AIG1: variants seen among roughly 807,000 people sequenced by gnomAD.
The protein encoded by AIG1 is androgen-induced gene 1 protein.
AIG1 carries 23 observed loss-of-function variants against 31.4 expected under a neutral mutation model. That is an observed-to-expected ratio of 0.73 (90% CI 0.53 to 1.04). The LOEUF (loss-of-function observed/expected upper bound fraction) is 1.04. AIG1 is among the 50% of genes least tolerant of loss of function. The pLI is 0.00. For synonymous variants in AIG1, 100 were observed against 110.5 expected (o/e 0.90, Z 0.60); for missense variants, 274 against 295.0 (o/e 0.93, Z 0.52).
At chr6:143,250,173 C>G (rs539718753) in intron 3 of AIG1, among the ~76,000 whole-genome samples, 19 of 152,338 alleles carry the variant, frequency 1.2e-4, no homozygotes, top group African/African-American at 4.6e-4. Context: ...CTCAGTCACT[C>G]TTCTCCATGA....
chr6:143,306,031 C>G (rs11155290), intron 4 of AIG1, among the ~76,000 whole-genome samples: 102,319 of 142,416 alleles, frequency 0.72, 38,519 homozygotes, highest in East Asian at 1. Flanking sequence ...TGTTTTATCA[C>G]AGACTAGGAT....
intron 3 of AIG1, chr6:143,187,727 A>C: frequency 6.5e-7 from 1 of 1,536,030 alleles, no homozygotes; most frequent in African/African-American, 1.4e-5. Context: ...AGCAATGACT[A>C]AAGGATTGAC....
At chr6:143,139,031 A>C (rs553695547) in intron 2 of AIG1, among the ~76,000 whole-genome samples, 135 of 152,246 alleles carry the variant, frequency 8.9e-4, no homozygotes, top group African/African-American at 3.2e-3. Flanking sequence ...TCTCCTCAAA[A>C]GCTCATGGCA....
At chr6:143,077,403 G>T (rs945650379) in intron 1 of AIG1, among the ~76,000 whole-genome samples, 3 of 152,102 alleles carry the variant, frequency 2.0e-5, no homozygotes, top group Non-Finnish European at 4.4e-5. Context: ...AAGTCTCTTG[G>T]TTTTTCTTCA....
chr6:143,194,094 T>C (rs1165145086), intron 3 of AIG1, among the ~76,000 whole-genome samples: 2 of 152,178 alleles, frequency 1.3e-5, no homozygotes, highest in East Asian at 3.8e-4. Flanking sequence ...TGTATATTAG[T>C]CCACTCTCAC....
intron 4 of AIG1, among the ~76,000 whole-genome samples, chr6:143,294,512 G>A (rs1475294537): frequency 1.3e-5 from 2 of 152,062 alleles, no homozygotes; most frequent in African/African-American, 4.8e-5. Flanking sequence ...TGTAGAATGG[G>A]ATAATAATAA....
chr6:143,117,773 G>T (rs935741913), intron 1 of AIG1, among the ~76,000 whole-genome samples: 1 of 152,158 alleles, frequency 6.6e-6, no homozygotes, highest in Non-Finnish European at 1.5e-5. Context: ...ACTGAGCATT[G>T]TGGTAAACTA....
At position 143,279,948 on chromosome 6, in the gene AIG1, C is replaced by G. The variant is rs1441276633; in HGVS notation, c.400-4162C>G. Among the ~76,000 whole-genome samples, 1 of 152,184 alleles carries G rather than the reference C, an allele frequency of 6.6e-6. No homozygotes were observed. The highest frequency in any genetic ancestry group is 2.4e-5 in the African/African-American group (1 of 41,452). ...ATTTTACTTAGCTCTTCAAACAAGT[C>G]AAGCCTTGTTTTTAGCTCAGCTCCT... On this transcript the variant is annotated intron_variant, in intron 3 of 5. Transcript: ENST00000357847. This position sits in a 1 kb window ranked among gnomAD's most constrained non-coding sequence, Gnocchi z 5.4.
At chr6:143,100,342 G>A (rs182442950) in intron 1 of AIG1, among the ~76,000 whole-genome samples, 119 of 152,218 alleles carry the variant, frequency 7.8e-4, no homozygotes, top group African/African-American at 2.8e-3. Context: ...GAGAGGTTTT[G>A]TTCTCATTAA....
At chr6:143,130,106 C>T (rs1247649999) in intron 1 of AIG1, among the ~76,000 whole-genome samples, 1 of 151,554 alleles carries the variant, frequency 6.6e-6, no homozygotes, top group Non-Finnish European at 1.5e-5. Flanking sequence ...AATTTTTGCA[C>T]TTTTAATAGA....
At chr6:143,163,161 C>T (rs984097291) in intron 2 of AIG1, among the ~76,000 whole-genome samples, 1 of 152,202 alleles carries the variant, frequency 6.6e-6, no homozygotes, top group African/African-American at 2.4e-5. Flanking sequence ...GGTAGTACTG[C>T]TGTGATGCCT....
chr6:143,184,073 A>T (rs1006946070), intron 3 of AIG1, among the ~76,000 whole-genome samples: 3 of 152,220 alleles, frequency 2.0e-5, no homozygotes, highest in Admixed American at 2.0e-4. Flanking sequence ...TAAACTTGTG[A>T]TTCTAAAGAT....
intron 3 of AIG1, among the ~76,000 whole-genome samples, chr6:143,171,428 T>C: frequency 9.6e-6 from 1 of 104,598 alleles, no homozygotes; most frequent in Non-Finnish European, 1.7e-5. Context: ...ATATAATATA[T>C]ATAATATATA....
intron 1 of AIG1, among the ~76,000 whole-genome samples, chr6:143,062,049 A>G (rs1200591283): frequency 6.6e-6 from 1 of 152,200 alleles, no homozygotes; most frequent in Non-Finnish European, 1.5e-5. Context: ...ATCCAAGACT[A>G]TACAGTTGGT....
At chr6:143,314,184 T>TAAAAAAAAAAAAAA (rs35691634) in intron 4 of AIG1, among the ~76,000 whole-genome samples, 1 of 90,614 alleles carries the variant, frequency 1.1e-5, no homozygotes. Context: ...ACCCATCTCT[T>TAAAAAAAAAAAAAA]AAAAAAAAAA....
intron 4 of AIG1, among the ~76,000 whole-genome samples, chr6:143,318,050 A>G (rs992964611): frequency 1.4e-4 from 21 of 152,180 alleles, no homozygotes; most frequent in Non-Finnish European, 2.2e-4. Context: ...TAGAATCAAT[A>G]TCGTGAAAAT....
intron 5 of AIG1, among the ~76,000 whole-genome samples, chr6:143,336,296 A>C (rs1435630187): frequency 6.6e-6 from 1 of 152,220 alleles, no homozygotes; most frequent in Non-Finnish European, 1.5e-5. Context: ...CAAGATAAAA[A>C]TCACATTATT....
At position 143,165,705 on chromosome 6, in the gene AIG1, G is replaced by A. The variant is rs192224447; in HGVS notation, c.399+522G>A. ...CTTTTGCAATGGAATTGTTTGCCTC[G>A]TAGGGTTCTTCCCAAGTTAGGGTGT... is the stretch of plus-strand genomic sequence containing the variant. On this transcript the variant is annotated intron_variant, in intron 3 of 5. Transcript: ENST00000357847. Among the ~76,000 whole-genome samples the A allele has an allele frequency of 1.6e-3, 243 of 152,308 alleles. 2 individuals carry two copies. The highest frequency in any genetic ancestry group is 5.6e-3 in the African/African-American group (233 of 41,564).
At position 143,325,738 on chromosome 6, in the gene AIG1, C is replaced by T. The variant is rs1164460138; in HGVS notation, c.516-7544C>T. Among the ~76,000 whole-genome samples the T allele has an allele frequency of 6.6e-6, 1 of 152,206 alleles. No homozygotes were observed. The highest frequency in any genetic ancestry group is 6.5e-5 in the Admixed American group (1 of 15,278). On this transcript the variant is annotated intron_variant, in intron 4 of 5. Coordinates refer to ENST00000357847, the MANE Select transcript of AIG1 (RefSeq NM_016108.4). This position sits in a 1 kb window ranked among gnomAD's most constrained non-coding sequence, Gnocchi z 4.3. ...ACACATAACTGAAATAGAAGTTTCA[C>T]AAAATAATTCTTATCATCATTATAT...
Sources: gnomAD v4.1 joint callset for allele counts (sites outside exome capture counted in the v4.1 genomes callset) on GRCh38, gnomAD v4.1.1 for gene constraint, Gnocchi (gnomAD v3.1) non-coding constraint, MANE v1.5 for transcripts, NCBI Gene and HGNC (gene_info 2026-07-23, HGNC 2026-07-21) for gene names.